DNAH11: variants seen among roughly 807,000 people sequenced by gnomAD.
The protein encoded by DNAH11 is axonemal beta dynein heavy chain 11.
Under a neutral mutation model 526.0 loss-of-function variants are expected in DNAH11, and 442 were observed. That is an observed-to-expected ratio of 0.84 (90% confidence interval 0.78 to 0.91). DNAH11 has a LOEUF of 0.91. Ranked by LOEUF, DNAH11 falls within the 40% of genes least tolerant of loss-of-function variation. DNAH11 has a pLI of 0.00. For missense variants in DNAH11, 6,989 were observed against 5,448.7 expected, an observed-to-expected ratio of 1.28 and a Z score of -8.90; for synonymous variants, 2,461 against 1,935.9, an observed-to-expected ratio of 1.27 and a Z score of -7.12.
At chr7:21,810,346 G>A (rs17145535) in intron 63 of DNAH11, among the ~76,000 whole-genome samples, 5,207 of 152,248 alleles carry the variant, frequency 0.034, 291 homozygotes, top group African/African-American at 0.11. Context: ...TGTCATCTCA[G>A]TTGATTAAAA....
At position 21,698,660 on chromosome 7, in the gene DNAH11, T is replaced by C. The variant is rs148760633; in HGVS notation, c.6180+447T>C. ...AATGCCATTATTTCATGCCTTTTTA[T>C]GACTGAGTAATATTCCATGGTGTAT... On this transcript the variant is annotated intron_variant, in intron 36 of 81. Coordinates refer to ENST00000409508, the MANE Select transcript of DNAH11 (RefSeq NM_001277115.2). Among the ~76,000 whole-genome samples, 557 of 152,374 alleles carry C rather than the reference T, an allele frequency of 3.7e-3. 2 individuals carry two copies. The highest frequency in any genetic ancestry group is 6.8e-3 in the Middle Eastern group (2 of 294).
In DNAH11 at chr7:21,698,066, A is replaced by G. The variant is rs751736278; in HGVS notation, c.6042-9A>G. The G allele has an allele frequency of 6.3e-7, 1 of 1,599,704 alleles. No individual in the cohort carries two copies. Among genetic ancestry groups the G allele is most frequent in the South Asian group, 1.1e-5 (1 of 87,672 alleles). ...CATTTTAAAACTAAAATTCTTATTTACTTTTTAGACCCTGTGCCATGGTGG... is the reference window on the plus strand; with the variant it reads ...CATTTTAAAACTAAAATTCTTATTTGCTTTTTAGACCCTGTGCCATGGTGG... On this transcript the variant is annotated splice_polypyrimidine_tract_variant and intron_variant, in intron 35 of 81. Transcript: ENST00000409508.
intron 49 of DNAH11, 40 bp from the exon 50 acceptor site, chr7:21,744,398 C>T (rs2043480797): frequency 6.3e-7 from 1 of 1,598,462 alleles, no homozygotes; most frequent in Non-Finnish European, 8.5e-7. Context: ...ATGTCATCAG[C>T]CTCTGAATTA....
intron 80 of DNAH11, 93 bp downstream of exon 80, chr7:21,899,541 C>A: frequency 2.1e-6 from 2 of 963,078 alleles, no homozygotes; most frequent in Non-Finnish European, 3.2e-6. Context: ...GTCTCCTTGC[C>A]CTGCTCACCA....
intron 40 of DNAH11, among the ~76,000 whole-genome samples, chr7:21,708,312 G>C (rs1275581483): frequency 6.6e-6 from 1 of 152,164 alleles, no homozygotes; most frequent in African/African-American, 2.4e-5. Flanking sequence ...TCATCCTTGA[G>C]GCCTCTCTCC....
intron 58 of DNAH11, among the ~76,000 whole-genome samples, chr7:21,785,132 C>T (rs1788117839): frequency 6.6e-6 from 1 of 152,170 alleles, no homozygotes; most frequent in South Asian, 2.1e-4. Context: ...TGCAGCTAAT[C>T]TCATCCTGGG....
intron 39 of DNAH11, among the ~76,000 whole-genome samples, chr7:21,705,772 A>T (rs1257492814): frequency 6.6e-6 from 1 of 152,228 alleles, no homozygotes; most frequent in East Asian, 1.9e-4. Context: ...ACATAGGAAA[A>T]GCAAGCCAAC....
chr7:21,762,911 G>C (rs910156145), intron 54 of DNAH11, among the ~76,000 whole-genome samples: 17 of 152,130 alleles, frequency 1.1e-4, no homozygotes, highest in Non-Finnish European at 2.2e-4. Context: ...CAAAGGAAAG[G>C]ATCAACAGAA....
intron 66 of DNAH11, among the ~76,000 whole-genome samples, chr7:21,845,920 T>C (rs1020787461): frequency 6.6e-6 from 1 of 152,170 alleles, no homozygotes; most frequent in Admixed American, 6.5e-5. Context: ...TCATCAGAGA[T>C]TTTTAGTCCT....
At chr7:21,722,449 C>T (rs1031167616) in intron 44 of DNAH11, among the ~76,000 whole-genome samples, 2 of 152,154 alleles carry the variant, frequency 1.3e-5, no homozygotes, top group Non-Finnish European at 1.5e-5. Context: ...TGAAAGGCAT[C>T]GCAGCCAAGA....
chr7:21,796,946 AGTTT>A lies in DNAH11; in HGVS notation c.10027-4186_10027-4183del, dbSNP rs777745156. ...AATGATTAGTAACTTGAGAGAATAA[AGTTT>A]GTTTATCAGATCACATGTTTCAGTA... On this transcript the variant is annotated intron_variant, in intron 61 of 81. Transcript: ENST00000409508. 1.4e-4 allele frequency among the ~76,000 whole-genome samples: 22 copies of A among 152,134 alleles called. No individual in the cohort carries two copies. The East Asian group carries it at 3.7e-3, about 25-fold the overall frequency.
At chr7:21,654,098 G>A (rs7790091) in intron 28 of DNAH11, among the ~76,000 whole-genome samples, 83,104 of 152,034 alleles carry the variant, frequency 0.55, 23,663 homozygotes, top group Admixed American at 0.68. Context: ...CTGTTGAGGT[G>A]AAATTTAACA....
chr7:21,697,299 G>C (rs1783897899), intron 35 of DNAH11, among the ~76,000 whole-genome samples: 1 of 152,042 alleles, frequency 6.6e-6, no homozygotes, highest in African/African-American at 2.4e-5. Context: ...CCAAAAGAAA[G>C]GGGATTTGAA....
intron 14 of DNAH11, among the ~76,000 whole-genome samples, chr7:21,597,647 A>C (rs1042405230): frequency 1.3e-5 from 2 of 152,210 alleles, no homozygotes; most frequent in East Asian, 3.9e-4. Flanking sequence ...TAATGAGAAC[A>C]GCAAGCGGGG....
chr7:21,562,627 T>A (rs1362038868), intron 5 of DNAH11, among the ~76,000 whole-genome samples: 1 of 152,096 alleles, frequency 6.6e-6, no homozygotes, highest in African/African-American at 2.4e-5. Context: ...AGAAAGCTCT[T>A]CTCAAAGACA....
chr7:21,585,488 G>T (rs1016456115), intron 9 of DNAH11, among the ~76,000 whole-genome samples: 3 of 152,168 alleles, frequency 2.0e-5, no homozygotes, highest in Admixed American at 6.5e-5. Context: ...TATTGTCACA[G>T]ACATGGCCAG....
Position 21,559,636 on chromosome 7 carries a change from A to C in DNAH11, c.726A>C (p.Ala242=). 6.2e-7 allele frequency: 1 copy of C among 1,611,412 alleles called. No individual in the cohort carries two copies. Residue 242 remains alanine (A), a synonymous_variant, in exon 4 of 82, where the codon GCA becomes GCC. Transcript: ENST00000409508. ...PPSNERIILH[A]IESVVIEWSH... ...CAAACGAAAGGATAATACTTCATGC[A>C]ATTGAATCTGTGGTTATTGAATGGT...
chr7:21,722,232 C>T (rs574140995), intron 44 of DNAH11, among the ~76,000 whole-genome samples: 2 of 152,246 alleles, frequency 1.3e-5, no homozygotes, highest in East Asian at 3.9e-4. Context: ...AAGTAACTTG[C>T]CCAAAGTCAC....
chr7:21,655,803 T>C, intron 28 of DNAH11, 29 bp from the exon 29 acceptor site: 1 of 1,598,656 alleles, frequency 6.3e-7, no homozygotes, highest in Non-Finnish European at 8.5e-7. Context: ...TAAGAAATGT[T>C]CTTATCTTTT....
Sources: gnomAD v4.1 joint callset for allele counts (sites outside exome capture counted in the v4.1 genomes callset) on GRCh38, gnomAD v4.1.1 for gene constraint, MANE v1.5 for transcripts, NCBI Gene and HGNC (gene_info 2026-07-23, HGNC 2026-07-21) for gene names.